The following KCNMA1 variants were observed in gnomAD, a reference collection of about 807,000 sequenced individuals.
KCNMA1 encodes the protein Calcium-activated potassium channel subunit alpha-1.
In KCNMA1, 29 loss-of-function variants were observed where a neutral mutation model predicts 140.0. The ratio of observed to expected loss-of-function variants is 0.21; its 90% CI spans 0.15 to 0.28. The LOEUF (loss-of-function observed/expected upper bound fraction) is 0.28, where lower values mean the gene tolerates loss of function less well. KCNMA1 is among the 10% of genes least tolerant of loss of function. The probability of loss-of-function intolerance (pLI) is 1.00; values close to 1 mark genes in which losing one functional copy is unlikely to be tolerated. For missense variants in KCNMA1, 880 were observed against 1,602.2 expected (o/e 0.55, Z 7.70); for synonymous variants, 612 against 611.9 (o/e 1.00, Z 0.00).
chr10:76,993,261 G>C (rs996829299), intron 19 of KCNMA1, among the ~76,000 whole-genome samples: 3 of 152,178 alleles, frequency 2.0e-5, no homozygotes, highest in Admixed American at 1.3e-4. Context: ...AAGAAATAAT[G>C]GTTAGGAAAA....
chr10:77,265,489 A>G (rs2063179882), intron 2 of KCNMA1, among the ~76,000 whole-genome samples: 1 of 152,238 alleles, frequency 6.6e-6, no homozygotes, highest in Non-Finnish European at 1.5e-5. Flanking sequence ...TTCTTTGAAC[A>G]TGGGTATAAA....
chr10:77,608,204 A>G (rs891832958), intron 1 of KCNMA1, among the ~76,000 whole-genome samples: 4 of 151,742 alleles, frequency 2.6e-5, no homozygotes, highest in African/African-American at 9.7e-5. Flanking sequence ...ACAGGGTCTC[A>G]CTCTGTTGCC....
intron 5 of KCNMA1, among the ~76,000 whole-genome samples, chr10:77,146,974 T>C (rs976411998): frequency 6.6e-6 from 1 of 152,024 alleles, no homozygotes; most frequent in African/African-American, 2.4e-5. Flanking sequence ...GTATTGACCA[T>C]GGGGAAGGGG....
intron 2 of KCNMA1, among the ~76,000 whole-genome samples, chr10:77,370,221 T>A (rs1322644810): frequency 1.3e-5 from 2 of 152,212 alleles, no homozygotes; most frequent in Non-Finnish European, 2.9e-5. Context: ...TTCAACTGCA[T>A]CAATAATATT....
intron 1 of KCNMA1, among the ~76,000 whole-genome samples, chr10:77,544,955 T>G (rs531764394): frequency 6.6e-6 from 1 of 152,346 alleles, no homozygotes; most frequent in Non-Finnish European, 1.5e-5. Context: ...AAAAATCATG[T>G]GACCCTCATC....
chr10:76,906,844 C>T (rs1051889417), intron 25 of KCNMA1, among the ~76,000 whole-genome samples: 8 of 152,246 alleles, frequency 5.3e-5, no homozygotes, highest in Admixed American at 2.6e-4. Context: ...TTTACCAAAA[C>T]GTCTGGATCC....
intron 14 of KCNMA1, among the ~76,000 whole-genome samples, chr10:77,044,759 T>C (rs1447970124): frequency 6.6e-6 from 1 of 152,146 alleles, no homozygotes. Flanking sequence ...CTTTTATAGA[T>C]GATAAAACTG....
intron 1 of KCNMA1, among the ~76,000 whole-genome samples, chr10:77,609,820 A>C (rs1285478732): frequency 6.6e-6 from 1 of 152,182 alleles, no homozygotes; most frequent in Non-Finnish European, 1.5e-5. Context: ...TCAGGGCTCA[A>C]GTTTCAAAAA....
At chr10:77,284,156 G>A (rs1331058346) in intron 2 of KCNMA1, among the ~76,000 whole-genome samples, 1 of 152,156 alleles carries the variant, frequency 6.6e-6, no homozygotes, top group Non-Finnish European at 1.5e-5. Flanking sequence ...CATTGGGGAA[G>A]AGAAAGTCAA....
At chr10:76,985,607 T>C (rs971902373) in intron 19 of KCNMA1, among the ~76,000 whole-genome samples, 2 of 152,184 alleles carry the variant, frequency 1.3e-5, no homozygotes, top group African/African-American at 4.8e-5. Flanking sequence ...ATGTCACTGA[T>C]ACAGTGAGCA....
intron 1 of KCNMA1, among the ~76,000 whole-genome samples, chr10:77,555,021 T>G (rs2063879534): frequency 6.7e-6 from 1 of 149,454 alleles, no homozygotes; most frequent in Non-Finnish European, 1.5e-5. Flanking sequence ...TCGAGCTGCC[T>G]CAATCTTCCT....
chr10:77,167,645 G>A (rs1243421942), intron 5 of KCNMA1, among the ~76,000 whole-genome samples: 1 of 151,770 alleles, frequency 6.6e-6, no homozygotes, highest in African/African-American at 2.4e-5. Context: ...GATGCATCCA[G>A]GGAACAAAAT....
intron 1 of KCNMA1, among the ~76,000 whole-genome samples, chr10:77,511,456 A>G (rs932101921): frequency 6.6e-5 from 10 of 152,236 alleles, no homozygotes; most frequent in African/African-American, 2.2e-4. Context: ...GGAGTCAGAA[A>G]AGAGCACGTT....
intron 3 of KCNMA1, among the ~76,000 whole-genome samples, chr10:77,230,780 C>T (rs1017699483): frequency 6.6e-6 from 1 of 152,158 alleles, no homozygotes; most frequent in African/African-American, 2.4e-5. Flanking sequence ...AGTCATCCTC[C>T]CTTCCACTCC....
At chr10:77,592,515 A>C (rs2079518301) in intron 1 of KCNMA1, among the ~76,000 whole-genome samples, 1 of 152,228 alleles carries the variant, frequency 6.6e-6, no homozygotes, top group Non-Finnish European at 1.5e-5. Context: ...TCTCTGTACT[A>C]ATTTGCAAAT....
At chr10:77,224,036 G>A (rs1450158302) in intron 3 of KCNMA1, among the ~76,000 whole-genome samples, 1 of 152,224 alleles carries the variant, frequency 6.6e-6, no homozygotes, top group African/African-American at 2.4e-5. Flanking sequence ...GGCCAGGGAA[G>A]AGGTGCTGCC....
chr10:77,464,262 C>G (rs1043457106), intron 1 of KCNMA1, among the ~76,000 whole-genome samples: 2 of 152,068 alleles, frequency 1.3e-5, no homozygotes, highest in African/African-American at 4.8e-5. Flanking sequence ...CAAGTCAGAC[C>G]CTTCATCTGC....
intron 1 of KCNMA1, among the ~76,000 whole-genome samples, chr10:77,577,049 C>G (rs1291799554): frequency 6.6e-6 from 1 of 151,768 alleles, no homozygotes; most frequent in Non-Finnish European, 1.5e-5. Flanking sequence ...GCATGCCAAA[C>G]AGGAGGTAAC....
At position 77,112,262 on chromosome 10, in the gene KCNMA1, G is replaced by A. The variant is rs553804465; in HGVS notation, c.960+105C>T. 3.1e-5 allele frequency: 26 copies of A among 828,120 alleles called. No homozygotes were observed. In the Middle Eastern group the frequency reaches 8.9e-4, roughly 28 times the overall value. The allele number at this position is 828,120 out of a possible 1,614,324, so 51.3% of individuals were successfully genotyped here. A position where few individuals can be genotyped will look rare whatever the true frequency, so the allele number is the denominator to read the frequency against. ...GCTTCCCATCTTCCTGTCTACAACC[G>A]AGGTGAAGTTAATTTCCAGCAAGAT... On this transcript the variant is annotated intron_variant, in intron 7 of 27. Coordinates refer to ENST00000286628, the MANE Select transcript of KCNMA1 (RefSeq NM_001161352.2).
Sources: allele counts gnomAD v4.1 joint callset (sites outside exome capture counted in the v4.1 genomes callset), GRCh38; gene constraint gnomAD v4.1.1; transcripts MANE v1.5; gene names NCBI Gene and HGNC (gene_info 2026-07-23, HGNC 2026-07-21).